The following CD177 variants were observed in gnomAD, a reference collection of about 807,000 sequenced individuals.
The protein encoded by CD177 is CD177 antigen.
A neutral mutation model predicts 38.1 loss-of-function variants in CD177; 41 were observed. The observed-to-expected ratio is 1.07, with a 90% CI of 0.84 to 1.39. The LOEUF (loss-of-function observed/expected upper bound fraction) is 1.39. Among genes scored for constraint, CD177 ranks in the 40% most tolerant of loss-of-function variants. CD177 has a pLI of 0.00. For missense variants in CD177, 619 were observed against 523.8 expected (o/e 1.18, Z -1.77); for synonymous variants, 236 against 216.7 (o/e 1.09, Z -0.78).
At position 43,354,573 on chromosome 19, in the gene CD177, A is replaced by G. The variant is rs1236647072; in HGVS notation, c.379+181A>G. 1.2e-5 allele frequency: 7 copies of G among 580,566 alleles called. No homozygotes were observed. In the South Asian group the frequency reaches 1.3e-4, roughly 11 times the overall value. 36.0% of individuals were successfully genotyped at this position (580,566 alleles called of 1,614,324 possible). ...CCCCGCTCCCTTTCCATCCCTCCCC[A>G]CTCACTCCCGATCCCTCCCACCGAC... On this transcript the variant is annotated intron_variant, in intron 3 of 8. Transcript: ENST00000618265.
chr19:43,355,754 G>A lies in CD177; in HGVS notation c.473G>A (p.Cys158Tyr), dbSNP rs1379404354. 4 of 1,613,094 alleles carry A rather than the reference G, an allele frequency of 2.5e-6. No individual in the cohort carries two copies. Among genetic ancestry groups the A allele is most frequent in the East Asian group, 2.2e-5 (1 of 44,874 alleles). ...ATCTGCCCCAAGGGGACCACACACT[G>A]TTATGATGGCCTCCTCAGGCTCAGG... ...EEICPKGTTHCYDGLLRLRGG... is the reference protein window; with the variant it reads ...EEICPKGTTHYYDGLLRLRGG... Residue 158 changes from cysteine (C) to tyrosine (Y), a missense_variant, in exon 4 of 9, where the codon TGT becomes TAT. Physicochemically the swap from Cys to Tyr is radical, Grantham distance 194. Transcript: ENST00000618265.
At chr19:43,365,370 T>C (rs1970018820), downstream of CD177, among the ~76,000 whole-genome samples, 1 of 119,356 alleles carries the variant, frequency 8.4e-6, no homozygotes, top group Admixed American at 8.8e-5. Flanking sequence ...CTGGACCCCC[T>C]GAACAAGCTC....
chr19:43,364,406 T>C (rs1056761956), downstream of CD177, among the ~76,000 whole-genome samples: 4 of 152,246 alleles, frequency 2.6e-5, no homozygotes, highest in South Asian at 2.1e-4. Flanking sequence ...AGAGTGAGTC[T>C]TGGATGGCCT....
intron 2 of CD177, 93 bp from the exon 3 acceptor site, chr19:43,354,114 C>T: frequency 1.3e-6 from 2 of 1,562,572 alleles, no homozygotes; most frequent in East Asian, 2.3e-5. Context: ...GATCCCCTTT[C>T]CAGCCTCTCA....
At position 43,354,442 on chromosome 19, in the gene CD177, C is replaced by A. The variant is rs748582446; in HGVS notation, c.379+50C>A. 8 of 1,589,242 alleles carry A rather than the reference C, an allele frequency of 5.0e-6. 1 individual carries two copies. The South Asian group carries it at 8.8e-5, about 18-fold the overall frequency. On this transcript the variant is annotated intron_variant, in intron 3 of 8. Transcript: ENST00000618265. ...GAGGGAGGGGCTGCTAGAAGGGGATCCGCTGAGCACAGAGGGGCTGTTACG... is the reference window on the plus strand; with the variant it reads ...GAGGGAGGGGCTGCTAGAAGGGGATACGCTGAGCACAGAGGGGCTGTTACG...
At chr19:43,355,270 C>T (rs554420017) in intron 3 of CD177, among the ~76,000 whole-genome samples, 24 of 151,284 alleles carry the variant, frequency 1.6e-4, no homozygotes, top group Non-Finnish European at 2.7e-4. Context: ...CCTGCCACCA[C>T]GCCCGGCTAA....
chr19:43,361,121 C>T (rs1299589621), intron 6 of CD177, 22 bp from the exon 7 acceptor site: 2 of 1,361,446 alleles, frequency 1.5e-6, no homozygotes, highest in South Asian at 2.3e-5. Context: ...GTCCCCAGCC[C>T]AGCTTTCCCT....
intron 2 of CD177, 25 bp from the exon 3 acceptor site, chr19:43,354,182 C>T (rs1969885156): frequency 4.4e-6 from 7 of 1,602,354 alleles, no homozygotes; most frequent in Non-Finnish European, 6.0e-6. Context: ...CCTCCATCCT[C>T]GCTTGCCTCC....
rs1568443082 is a variant in CD177 at position 43,354,281 on chromosome 19, CG to C, written c.270del (p.Met91TrpfsTer7). 1 of 1,613,944 alleles carries C rather than the reference CG, an allele frequency of 6.2e-7. No individual in the cohort carries two copies. The highest frequency in any genetic ancestry group is 1.1e-5 in the South Asian group (1 of 91,082). On this transcript the variant is annotated frameshift_variant, in exon 3 of 9. Transcript: ENST00000618265. LOFTEE classifies it high-confidence loss of function. ...KDQEPRVTEH[R>X]MGPGLSLISY... ...CCAGGAGCCCCGCGTCACTGAGCACCGGATGGGCCCCGGCCTCTCCCTGATC... is the reference window on the plus strand; with the variant it reads ...CCAGGAGCCCCGCGTCACTGAGCACCGATGGGCCCCGGCCTCTCCCTGATC...
chr19:43,361,200 C>G lies in CD177; in HGVS notation c.818C>G (p.Ser273Cys). 1 of 1,551,274 alleles carries G rather than the reference C, an allele frequency of 6.4e-7. No homozygotes were observed. Among genetic ancestry groups the G allele is most frequent in the Non-Finnish European group, 8.9e-7 (1 of 1,125,114 alleles). The change falls in exon 7 of 9, where the codon TCC becomes TGC. Residue 273 changes from serine to cysteine, a missense_variant. Ser to Cys is a moderately radical substitution (Grantham distance 112). Coordinates refer to ENST00000618265, the MANE Select transcript of CD177 (RefSeq NM_020406.4). ...KGCSTVGAQN[S>C]QKTTIHSAPP... ...TGCAGCACTGTTGGGGCTCAAAATT[C>G]CCAGAAGACCACCATCCACTCAGCC...
At chr19:43,355,339 C>A (rs1969911754) in intron 3 of CD177, among the ~76,000 whole-genome samples, 1 of 151,346 alleles carries the variant, frequency 6.6e-6, no homozygotes, top group Non-Finnish European at 1.5e-5. Flanking sequence ...GTCTTGAACT[C>A]CTGACCTCGT....
Position 43,360,356 on chromosome 19 carries a change from G to A in CD177, c.711G>A (p.Met237Ile). The change falls in exon 6 of 9, where the codon ATG (methionine) becomes ATA (isoleucine). Residue 237 changes from methionine to isoleucine, a missense_variant. By Grantham distance (10) the Met-to-Ile change is conservative. Coordinates refer to ENST00000618265, the MANE Select transcript of CD177 (RefSeq NM_020406.4). The stretch of plus-strand genomic sequence containing the variant: ...ATTGGACCACATCGAATACCGAGAT[G>A]TGCGAGGTGGGGCAGGTGTGTCAGG... Reference protein sequence around the residue: ...PTDWTTSNTEMCEVGQVCQET... With the variant: ...PTDWTTSNTEICEVGQVCQET... The A allele has an allele frequency of 1.9e-6, 3 of 1,610,774 alleles. No individual in the cohort carries two copies. The highest frequency in any genetic ancestry group is 1.3e-5 in the African/African-American group (1 of 74,974).
chr19:43,355,691 T>A lies in CD177; in HGVS notation c.410T>A (p.Leu137Ter). The change falls in exon 4 of 9, where the codon TTG (leucine) becomes TAG (stop). Residue 137 changes from leucine to a stop codon, truncating the protein, a stop_gained. Transcript: ENST00000618265. LOFTEE classifies it high-confidence loss of function. The stretch of plus-strand genomic sequence containing the variant: ...GGATCCTTGAGGTGCCCAGTCTGCT[T>A]GTCTATGGAAGGCTGTCTGGAGGGG... ...DPGSLRCPVC[L>*]SMEGCLEGTT... 1 of 1,612,930 alleles carries A rather than the reference T, an allele frequency of 6.2e-7. No individual in the cohort carries two copies. Among genetic ancestry groups the A allele is most frequent in the Non-Finnish European group, 8.5e-7 (1 of 1,179,406 alleles).
Position 43,362,103 on chromosome 19 carries a change from A to C in CD177, c.1097A>C (p.Lys366Thr). 1 of 1,613,680 alleles carries C rather than the reference A, an allele frequency of 6.2e-7. No individual in the cohort carries two copies. Among genetic ancestry groups the C allele is most frequent in the Non-Finnish European group, 8.5e-7 (1 of 1,179,672 alleles). Residue 366 changes from lysine to threonine, a missense_variant, in exon 9 of 9, where the codon AAA (lysine) becomes ACA (threonine). Lys to Thr is a moderately conservative substitution (Grantham distance 78). Coordinates refer to ENST00000618265, the MANE Select transcript of CD177 (RefSeq NM_020406.4). ...CTCCCTCTAGGTGGGCTGTCCACCA[A>C]AATGAGCATTCAGGGCTGCGTGGCC... ...IHLSGGGLST[K>T]MSIQGCVAQP... is the part of the protein sequence containing the mutation.
At chr19:43,361,618 G>T in intron 8 of CD177, 39 bp downstream of exon 8, 16 of 1,549,808 alleles carry the variant, frequency 1.0e-5, no homozygotes, top group South Asian at 5.9e-5. Context: ...TGAAGGCACT[G>T]GTGGCCTGGA....
downstream of CD177, among the ~76,000 whole-genome samples, chr19:43,364,013 T>A (rs1209907030): frequency 2.0e-5 from 3 of 152,000 alleles, no homozygotes; most frequent in Non-Finnish European, 4.4e-5. Context: ...GTCCAGGAGG[T>A]CAAGGCTGCA....
intron 3 of CD177, 129 bp downstream of exon 3, chr19:43,354,521 CCT>C: frequency 1.1e-6 from 1 of 898,430 alleles, no homozygotes; most frequent in African/African-American, 1.6e-5. Flanking sequence ...CCATCCCTCC[CCT>C]GACTGCTCCC....
chr19:43,360,127 A>T, intron 5 of CD177, 138 bp from the exon 6 acceptor site: 1 of 1,031,162 alleles, frequency 9.7e-7, no homozygotes, highest in African/African-American at 1.6e-5. Context: ...TCCCTTCTGA[A>T]TCCTTGGTTA....
intron 6 of CD177, 38 bp downstream of exon 6, chr19:43,360,443 A>C (rs1969947584): frequency 6.5e-7 from 1 of 1,546,246 alleles, no homozygotes. Flanking sequence ...ACCTGTCCCA[A>C]GTCCCTGGCA....
Sources: gnomAD v4.1 joint callset for allele counts (sites outside exome capture counted in the v4.1 genomes callset) on GRCh38, gnomAD v4.1.1 for gene constraint, MANE v1.5 for transcripts, NCBI Gene and HGNC (gene_info 2026-07-23, HGNC 2026-07-21) for gene names.